GATAD2B: variants seen among roughly 807,000 people sequenced by gnomAD.
GATAD2B encodes GATA zinc finger domain containing 2B.
Under a neutral mutation model 64.3 loss-of-function variants are expected in GATAD2B, and 8 were observed. The observed-to-expected ratio is 0.12, with a 90% confidence interval of 0.07 to 0.22. The LOEUF is 0.22. Ranked by LOEUF, GATAD2B falls within the 10% of genes least tolerant of loss-of-function variation. GATAD2B has a pLI of 1.00. For missense variants in GATAD2B, 453 were observed against 752.0 expected (o/e 0.60, Z 4.65); for synonymous variants, 281 against 271.3 (o/e 1.04, Z -0.35).
intron 1 of GATAD2B, among the ~76,000 whole-genome samples, chr1:153,906,038 G>C (rs2101964566): frequency 6.7e-6 from 1 of 148,502 alleles, no homozygotes. Flanking sequence ...CTGCACTCCA[G>C]CCTGGTGACA....
chr1:153,841,863 A>G (rs1055574779), intron 1 of GATAD2B, among the ~76,000 whole-genome samples: 1 of 152,210 alleles, frequency 6.6e-6, no homozygotes, highest in Non-Finnish European at 1.5e-5. Context: ...AGAAACTGCC[A>G]ATCTGTTTTC....
At chr1:153,811,319 G>C (rs573275124) in intron 10 of GATAD2B, among the ~76,000 whole-genome samples, 3 of 152,330 alleles carry the variant, frequency 2.0e-5, no homozygotes, top group Admixed American at 1.3e-4. Flanking sequence ...AGAGACAAGT[G>C]AAACAGTGGT....
intron 1 of GATAD2B, among the ~76,000 whole-genome samples, chr1:153,867,121 A>C (rs1676505996): frequency 6.6e-6 from 1 of 152,116 alleles, no homozygotes; most frequent in South Asian, 2.1e-4. Flanking sequence ...GGTTGGAATT[A>C]ACTGTCAGAA....
In GATAD2B at chr1:153,818,314, CTTTTTTTTTTTTT is replaced by C. The variant is rs35175263; in HGVS notation, c.598-156_598-144del. 1.6e-5 allele frequency: 5 copies of C among 320,422 alleles called. 1 individual carries two copies. The Admixed American group carries it at 2.4e-4, about 15-fold the overall frequency. 19.8% of individuals were successfully genotyped at this position (320,422 alleles called of 1,614,324 possible). On this transcript the variant is annotated intron_variant, in intron 4 of 10. Transcript: ENST00000368655. ...ACCAGAAAAAGGGAGTCAAGGTTTT[CTTTTTTTTTTTTT>C]TTTTTGAGACAGAGTCTTGCTCTGT...
chr1:153,828,813 A>C (rs1401685755), intron 1 of GATAD2B, among the ~76,000 whole-genome samples: 3 of 152,208 alleles, frequency 2.0e-5, no homozygotes, highest in South Asian at 2.1e-4. Context: ...GCCTGATAAG[A>C]AGCACTATTT....
rs1674082352 is a variant in GATAD2B at position 153,805,388 on chromosome 1, T to C, written c.*4789A>G. On this transcript the variant is annotated 3_prime_UTR_variant, in exon 11 of 11. Transcript: ENST00000368655. ...TAACTAAAGCACCAACCTGGGGCATTCAATTGTCAACCACCCTTAAGGGCT... is the reference window on the plus strand; with the variant it reads ...TAACTAAAGCACCAACCTGGGGCATCCAATTGTCAACCACCCTTAAGGGCT... The C allele has an allele frequency of 6.6e-6, 1 of 152,122 alleles. No homozygotes were observed. The highest frequency in any genetic ancestry group is 2.1e-4 in the South Asian group (1 of 4,830). The allele number at this position is 152,122 out of a possible 1,614,324, so 9.4% of individuals were successfully genotyped here. A position where few individuals can be genotyped will look rare whatever the true frequency, so the allele number is the denominator to read the frequency against.
chr1:153,918,617 A>T (rs1409460609), intron 1 of GATAD2B, among the ~76,000 whole-genome samples: 6 of 152,088 alleles, frequency 3.9e-5, no homozygotes, highest in Non-Finnish European at 2.9e-5. Context: ...TTAAAGTACG[A>T]CTCTCAGCTT....
intron 1 of GATAD2B, among the ~76,000 whole-genome samples, chr1:153,888,712 G>C (rs1677261385): frequency 6.6e-6 from 1 of 152,146 alleles, no homozygotes; most frequent in Admixed American, 6.6e-5. Flanking sequence ...GAGTTTCTAA[G>C]CACTTGAGTT....
chr1:153,828,378 G>T, intron 1 of GATAD2B, 30 bp from the exon 2 acceptor site: 1 of 1,549,418 alleles, frequency 6.5e-7, no homozygotes, highest in Non-Finnish European at 8.8e-7. Context: ...AGTAAGATCA[G>T]AATAAAGTCC....
chr1:153,820,355 C>A (rs1202732583), intron 2 of GATAD2B, among the ~76,000 whole-genome samples: 1 of 152,120 alleles, frequency 6.6e-6, no homozygotes, highest in Non-Finnish European at 1.5e-5. Flanking sequence ...CCTCTTACTC[C>A]TAATCCTATT....
chr1:153,828,487 C>T, intron 1 of GATAD2B, 139 bp from the exon 2 acceptor site: 4 of 546,418 alleles, frequency 7.3e-6, no homozygotes, highest in Non-Finnish European at 1.3e-5. Context: ...CACACACACA[C>T]ACACAAAGTT....
chr1:153,887,103 A>G (rs1406105638), intron 1 of GATAD2B, among the ~76,000 whole-genome samples: 1 of 152,136 alleles, frequency 6.6e-6, no homozygotes, highest in African/African-American at 2.4e-5. Context: ...GAACAGCCAA[A>G]CCCCATTCAT....
intron 1 of GATAD2B, among the ~76,000 whole-genome samples, chr1:153,884,778 G>A (rs1044239843): frequency 6.6e-6 from 1 of 151,250 alleles, no homozygotes; most frequent in Non-Finnish European, 1.5e-5. Flanking sequence ...TCTTTTTTTC[G>A]AGACAGTCTC....
intron 1 of GATAD2B, among the ~76,000 whole-genome samples, chr1:153,883,165 C>G (rs1677060547): frequency 6.6e-6 from 1 of 152,114 alleles, no homozygotes; most frequent in Non-Finnish European, 1.5e-5. Flanking sequence ...CTCACAAAGC[C>G]CTTGTTCTCA....
intron 1 of GATAD2B, among the ~76,000 whole-genome samples, chr1:153,871,490 C>G (rs1266851302): frequency 6.6e-6 from 1 of 152,176 alleles, no homozygotes; most frequent in African/African-American, 2.4e-5. Flanking sequence ...GTGTAAGCCA[C>G]TGTACCCAGC....
intron 1 of GATAD2B, among the ~76,000 whole-genome samples, chr1:153,864,175 C>T (rs1163721120): frequency 6.6e-6 from 1 of 152,122 alleles, no homozygotes; most frequent in Non-Finnish European, 1.5e-5. Context: ...GTAAGTGATA[C>T]ATTCATCACA....
chr1:153,829,702 C>CT (rs1459402135), intron 1 of GATAD2B, among the ~76,000 whole-genome samples: 6 of 152,320 alleles, frequency 3.9e-5, no homozygotes, highest in African/African-American at 1.4e-4. Context: ...CGCCACTGCA[C>CT]TCCAGCCTGG....
At chr1:153,853,328 T>A in intron 1 of GATAD2B, 1 of 757,660 alleles carries the variant, frequency 1.3e-6, no homozygotes, top group Non-Finnish European at 2.4e-6. Context: ...GCTGAGGACA[T>A]GGGGTCATAT....
chr1:153,887,495 T>C (rs907019350), intron 1 of GATAD2B, among the ~76,000 whole-genome samples: 4 of 152,240 alleles, frequency 2.6e-5, no homozygotes, highest in African/African-American at 9.6e-5. Context: ...CACTACCTTA[T>C]AATGCAGAAT....
Sources: allele counts gnomAD v4.1 joint callset (sites outside exome capture counted in the v4.1 genomes callset), GRCh38; gene constraint gnomAD v4.1.1; transcripts MANE v1.5; gene names NCBI Gene and HGNC (gene_info 2026-07-23, HGNC 2026-07-21).